Variants in NPAT observed in about 807,000 individuals in gnomAD.
NPAT encodes the protein protein NPAT.
Under a neutral mutation model 130.7 loss-of-function variants are expected in NPAT, and 52 were observed. The ratio of observed to expected loss-of-function variants is 0.40; its 90% CI spans 0.32 to 0.50. The LOEUF (loss-of-function observed/expected upper bound fraction) is 0.50, where lower values mean the gene tolerates loss of function less well. Among genes scored for constraint, NPAT ranks in the 20% least tolerant of loss-of-function variants. NPAT has a pLI of 0.68. For synonymous variants in NPAT, 580 were observed against 584.8 expected, an observed-to-expected ratio of 0.99 and a Z score of 0.12; for missense variants, 1,687 against 1,662.6, an observed-to-expected ratio of 1.01 and a Z score of -0.26.
rs116921781 is a variant in NPAT, at chr11:108,165,346, G to A, written c.3011-3166C>T. On this transcript the variant is annotated intron_variant, in intron 15 of 17. Transcript: ENST00000278612. ...AGGCTGGTCTCAAACTCCTGGGCTC[G>A]CATTCCTCCTGCCTCAGCCTCCCAA... Among the ~76,000 whole-genome samples, 953 of 149,598 alleles carry A rather than the reference G, an allele frequency of 6.4e-3. 35 individuals carry two copies. The East Asian group carries it at 0.12, about 18-fold the overall frequency.
intron 1 of NPAT, among the ~76,000 whole-genome samples, chr11:108,206,700 T>C (rs970469938): frequency 6.6e-6 from 1 of 152,180 alleles, no homozygotes; most frequent in Non-Finnish European, 1.5e-5. Context: ...AGGGGGCATG[T>C]TTCAGCCCTG....
chr11:108,217,187 G>A (rs1027136466), intron 1 of NPAT, among the ~76,000 whole-genome samples: 24 of 152,164 alleles, frequency 1.6e-4, no homozygotes, highest in Admixed American at 2.0e-4. Context: ...GTACGTGGGC[G>A]TGTGAGTGCT....
chr11:108,198,801 T>C (rs1161313729), intron 1 of NPAT, among the ~76,000 whole-genome samples: 1 of 152,106 alleles, frequency 6.6e-6, no homozygotes, highest in African/African-American at 2.4e-5. Flanking sequence ...TCACGTTGGG[T>C]CCCCTCTCGT....
At chr11:108,192,707 G>C (rs1402563591) in intron 3 of NPAT, among the ~76,000 whole-genome samples, 1 of 152,194 alleles carries the variant, frequency 6.6e-6, no homozygotes. Context: ...TGTAATCCCA[G>C]CACTTTGGGA....
chr11:108,169,055 C>G (rs1189621973), intron 15 of NPAT, among the ~76,000 whole-genome samples: 4 of 152,064 alleles, frequency 2.6e-5, no homozygotes, highest in Admixed American at 2.6e-4. Context: ...ATGAGGTGAA[C>G]TGAAACAACA....
intron 1 of NPAT, among the ~76,000 whole-genome samples, chr11:108,209,715 T>A (rs935186909): frequency 4.6e-5 from 7 of 151,688 alleles, no homozygotes; most frequent in African/African-American, 1.7e-4. Context: ...TGGTGAAACC[T>A]CCTTTCTACT....
chr11:108,211,709 G>C (rs189496436), intron 1 of NPAT, among the ~76,000 whole-genome samples: 1 of 152,118 alleles, frequency 6.6e-6, no homozygotes, highest in East Asian at 1.9e-4. Context: ...CGTAAAAGAC[G>C]AAAGTCACAT....
chr11:108,193,735 C>CA (rs987942790), intron 3 of NPAT, among the ~76,000 whole-genome samples: 13 of 150,880 alleles, frequency 8.6e-5, no homozygotes, highest in South Asian at 2.1e-4. Context: ...CAAAAAAAAC[C>CA]AAAAAAACAA....
chr11:108,185,538 T>C (rs757591186), intron 8 of NPAT, 44 bp from the exon 9 acceptor site: 11 of 1,206,944 alleles, frequency 9.1e-6, no homozygotes, highest in Non-Finnish European at 1.3e-5. Context: ...ATAAAGAGTA[T>C]TCTGCTATTT....
chr11:108,189,134 G>A lies in NPAT; in HGVS notation c.528C>T (p.Asn176=). 1.2e-6 allele frequency: 2 copies of A among 1,614,076 alleles called. No individual in the cohort carries two copies. The highest frequency in any genetic ancestry group is 1.7e-6 in the Non-Finnish European group (2 of 1,179,972). ...DPSRSYFVVV[N]HSQSQDTVTT... ...TTACAGTATCTTGTGACTGTGAGTG[G>A]TTGACCACTACAAAATATGACCTCG... is the stretch of plus-strand genomic sequence containing the variant. Residue 176 remains asparagine (N), a synonymous_variant, in exon 6 of 18, where the codon AAC becomes AAT. Coordinates refer to ENST00000278612, the MANE Select transcript of NPAT (RefSeq NM_002519.3).
chr11:108,189,726 C>T (rs554581110), intron 5 of NPAT, among the ~76,000 whole-genome samples: 8 of 151,084 alleles, frequency 5.3e-5, no homozygotes, highest in East Asian at 3.9e-4. Context: ...AAAAATTAGC[C>T]GGGCGTGGTA....
At chr11:108,168,158 A>G (rs2077917603) in intron 15 of NPAT, among the ~76,000 whole-genome samples, 1 of 151,758 alleles carries the variant, frequency 6.6e-6, no homozygotes, top group Middle Eastern at 3.4e-3. Flanking sequence ...TAGAGAAGAT[A>G]TACTTCTTCT....
At chr11:108,183,322 G>C (rs1410529553) in intron 10 of NPAT, among the ~76,000 whole-genome samples, 1 of 151,920 alleles carries the variant, frequency 6.6e-6, no homozygotes, top group Non-Finnish European at 1.5e-5. Flanking sequence ...AGAGGTTTTT[G>C]AAAGAAGTAC....
rs771410084 is a variant in NPAT at position 108,189,240 on chromosome 11, G to C, written c.422C>G (p.Pro141Arg). 2 of 1,614,162 alleles carry C rather than the reference G, an allele frequency of 1.2e-6. No individual in the cohort carries two copies. Among genetic ancestry groups the C allele is most frequent in the East Asian group, 4.5e-5 (2 of 44,878 alleles). ...AGTGGTAAACTGTCCTGAAAGGTAA[G>C]GTAAAGTGAGCAACTCTGCACTGGC... ...APASAELLTL[P>R]YLSGQFTTPP... Residue 141 changes from proline (P) to arginine (R), a missense_variant, in exon 6 of 18, where the codon CCT (proline) becomes CGT (arginine). Coordinates refer to ENST00000278612, the MANE Select transcript of NPAT (RefSeq NM_002519.3).
chr11:108,200,081 T>C (rs1283621801), intron 1 of NPAT, among the ~76,000 whole-genome samples: 39 of 152,212 alleles, frequency 2.6e-4, no homozygotes, highest in Admixed American at 2.6e-3. Context: ...TTCTTTCCCC[T>C]GTTGAAGGAA....
chr11:108,189,631 G>A (rs1198405449), intron 5 of NPAT, among the ~76,000 whole-genome samples: 1 of 152,036 alleles, frequency 6.6e-6, no homozygotes, highest in Non-Finnish European at 1.5e-5. Flanking sequence ...AGCACTTTGG[G>A]AGGCCGAGGC....
intron 1 of NPAT, among the ~76,000 whole-genome samples, chr11:108,218,700 T>C (rs73561558): frequency 2.0e-5 from 3 of 152,292 alleles, no homozygotes; most frequent in Admixed American, 6.5e-5. Context: ...GGAAATTATG[T>C]GATGTTTGAA....
At chr11:108,169,463 T>C (rs1215315493) in intron 15 of NPAT, among the ~76,000 whole-genome samples, 2 of 152,166 alleles carry the variant, frequency 1.3e-5, no homozygotes, top group Non-Finnish European at 2.9e-5. Context: ...ACTTGAAAGC[T>C]GTTGGGAAAA....
chr11:108,172,113 A>G, intron 13 of NPAT, 86 bp downstream of exon 13: 1 of 1,124,994 alleles, frequency 8.9e-7, no homozygotes, highest in East Asian at 2.3e-5. Context: ...CTCATTAGTT[A>G]TTACTTCGCA....
Sources: gnomAD v4.1 joint callset for allele counts (sites outside exome capture counted in the v4.1 genomes callset) on GRCh38, gnomAD v4.1.1 for gene constraint, MANE v1.5 for transcripts, NCBI Gene and HGNC (gene_info 2026-07-23, HGNC 2026-07-21) for gene names.